COG8: variants seen among roughly 807,000 people sequenced by gnomAD.
The protein encoded by COG8 is conserved oligomeric Golgi complex subunit 8.
In COG8, 45 loss-of-function variants were observed where a neutral mutation model predicts 46.5. The observed-to-expected ratio is 0.97, with a 90% confidence interval of 0.76 to 1.24. The LOEUF (loss-of-function observed/expected upper bound fraction) is 1.24, where lower values mean the gene tolerates loss of function less well. Among genes scored for constraint, COG8 ranks in the 50% most tolerant of loss-of-function variants. The probability of loss-of-function intolerance (pLI) is 0.00; values close to 1 mark genes in which losing one functional copy is unlikely to be tolerated. For synonymous variants in COG8, 407 were observed against 347.8 expected (o/e 1.17, Z -1.90); for missense variants, 793 against 820.8 (o/e 0.97, Z 0.41).
intron 5 of COG8, chr16:69,330,592 C>T (rs1016189204): frequency 3.0e-5 from 42 of 1,421,080 alleles, no homozygotes; most frequent in Non-Finnish European, 3.7e-5. Flanking sequence ...TAACAGTGAC[C>T]CGGCCCGCCC....
chr16:69,338,569 T>C (rs1169201527), intron 1 of COG8: 1 of 153,076 alleles, frequency 6.5e-6, no homozygotes, highest in African/African-American at 2.4e-5. Flanking sequence ...TGAATCCTTT[T>C]TCTTTGTGCC....
chr16:69,339,373 C>T lies in COG8; in HGVS notation c.180G>A (p.Arg60=). The change falls in exon 1 of 6, where the codon CGG becomes CGA. Residue 60 remains arginine (R), a synonymous_variant. Coordinates refer to ENST00000306875, the MANE Select transcript of COG8 (RefSeq NM_032382.5). ...CCAGGCGCTCGGGCTCGCGCCGCAG[C>T]CGCTCCAGCCCCGAGCCGCTCAACT... ...LRELSGSGLE[R]LRREPERLAE... is the part of the protein sequence containing the mutation. 1 of 1,581,938 alleles carries T rather than the reference C, an allele frequency of 6.3e-7. No homozygotes were observed. Among genetic ancestry groups the T allele is most frequent in the Non-Finnish European group, 8.6e-7 (1 of 1,168,824 alleles).
At chr16:69,331,244 G>A (rs2011810115) in intron 4 of COG8, 149 bp from the exon 5 acceptor site, 1 of 801,786 alleles carries the variant, frequency 1.2e-6, no homozygotes, top group Non-Finnish European at 2.1e-6. Context: ...CCTGAGGTCA[G>A]GAATTCGAGA....
intron 3 of COG8, among the ~76,000 whole-genome samples, chr16:69,333,226 C>T (rs1005628495): frequency 5.4e-5 from 8 of 147,050 alleles, no homozygotes; most frequent in Non-Finnish European, 8.9e-5. Flanking sequence ...TGGAGTGTAG[C>T]GGCACAATCA....
Position 69,335,081 on chromosome 16 carries a change from T to C in COG8, c.853A>G (p.Ile285Val). 1 of 1,614,134 alleles carries C rather than the reference T, an allele frequency of 6.2e-7. No individual in the cohort carries two copies. Among genetic ancestry groups the C allele is most frequent in the Non-Finnish European group, 8.5e-7 (1 of 1,180,014 alleles). ...IEASRVHLFD[I>V]ITQYRAIFSD... ...AAGATGGCACGGTACTGGGTGATGA[T>C]ATCAAAGAGATGGACACGGGAGGCC... Residue 285 changes from isoleucine (I) to valine (V), a missense_variant, in exon 3 of 6, where the codon ATC (isoleucine) becomes GTC (valine). By Grantham distance (29) the Ile-to-Val change is conservative. Transcript: ENST00000306875.
rs1965665421 is a variant in COG8 at position 69,328,293 on chromosome 16, T to C, written c.*913A>G. 1 of 152,228 alleles carries C rather than the reference T, an allele frequency of 6.6e-6. No individual in the cohort carries two copies. 9.4% of individuals were successfully genotyped at this position (152,228 alleles called of 1,614,324 possible). The stretch of plus-strand genomic sequence containing the variant: ...GTTGCTGTGATATTAATTCTATTTT[T>C]ACAAAATAAGTGTATAACCAGGAAG... On this transcript the variant is annotated 3_prime_UTR_variant, in exon 6 of 6. Coordinates refer to ENST00000306875, the MANE Select transcript of COG8 (RefSeq NM_032382.5).
chr16:69,332,774 G>A lies in COG8; in HGVS notation c.1522C>T (p.Pro508Ser). 1 of 1,614,186 alleles carries A rather than the reference G, an allele frequency of 6.2e-7. No homozygotes were observed. Among genetic ancestry groups the A allele is most frequent in the Non-Finnish European group, 8.5e-7 (1 of 1,180,018 alleles). The change falls in exon 4 of 6, where the codon CCG becomes TCG. Residue 508 changes from proline (P) to serine (S), a missense_variant. By Grantham distance (74) the Pro-to-Ser change is moderately conservative. Transcript: ENST00000306875. ...ACTTGGAGACAGCGATTTAAATACGGAACAAGGTCTTCCAGGAAGACAGTG... is the reference window on the plus strand; with the variant it reads ...ACTTGGAGACAGCGATTTAAATACGAAACAAGGTCTTCCAGGAAGACAGTG... ...FCTVFLEDLVPYLNRCLQVLF... is the reference protein window; with the variant it reads ...FCTVFLEDLVSYLNRCLQVLF...
intron 2 of COG8, among the ~76,000 whole-genome samples, chr16:69,336,073 T>G (rs866807361): frequency 6.6e-6 from 1 of 152,160 alleles, no homozygotes; most frequent in Non-Finnish European, 1.5e-5. Flanking sequence ...TCTCCCCAGA[T>G]CTTTGTGGGC....
chr16:69,326,510 C>G lies in COG8; in HGVS notation c.*2696G>C, dbSNP rs2143281710. On this transcript the variant is annotated 3_prime_UTR_variant, in exon 6 of 6. Transcript: ENST00000306875. Reference sequence around the variant, plus strand: ...TGTTTCCTCATTCCTACTGCTTAAACACCTTGACAAGTCCTAGGGGTTAAC... The same window carrying G: ...TGTTTCCTCATTCCTACTGCTTAAAGACCTTGACAAGTCCTAGGGGTTAAC... 6.6e-6 allele frequency: 1 copy of G among 152,346 alleles called. No individual in the cohort carries two copies. Among genetic ancestry groups the G allele is most frequent in the Non-Finnish European group, 1.5e-5 (1 of 68,038 alleles). 9.4% of individuals were successfully genotyped at this position (152,346 alleles called of 1,614,324 possible). A position where few individuals can be genotyped will look rare whatever the true frequency, so the allele number is the denominator to read the frequency against.
At position 69,334,816 on chromosome 16, in the gene COG8, C is replaced by T. The variant is rs375743845; in HGVS notation, c.1118G>A (p.Arg373Gln). 6.8e-6 allele frequency: 11 copies of T among 1,614,072 alleles called. No individual in the cohort carries two copies. Among genetic ancestry groups the T allele is most frequent in the African/African-American group, 5.3e-5 (4 of 74,934 alleles). Reference protein sequence around the residue: ...FRGQLAPVFQRVAISTFQKAI... With the variant: ...FRGQLAPVFQQVAISTFQKAI... ...TTTCTGGAAAGTGCTGATGGCCACCCGCTGGAAAACAGGAGCCAACTGACC... is the reference window on the plus strand; with the variant it reads ...TTTCTGGAAAGTGCTGATGGCCACCTGCTGGAAAACAGGAGCCAACTGACC... Residue 373 changes from arginine to glutamine, a missense_variant, in exon 3 of 6, where the codon CGG becomes CAG. Coordinates refer to ENST00000306875, the MANE Select transcript of COG8 (RefSeq NM_032382.5).
At chr16:69,330,094 T>G (rs770017991) in intron 5 of COG8, 62 of 1,579,328 alleles carry the variant, frequency 3.9e-5, no homozygotes, top group Non-Finnish European at 2.1e-5. Context: ...TGTCAAGCAC[T>G]CGCAGGCTGG....
chr16:69,331,176 G>C, intron 4 of COG8, 81 bp from the exon 5 acceptor site: 1 of 1,498,588 alleles, frequency 6.7e-7, no homozygotes, highest in South Asian at 1.2e-5. Context: ...GGCCGGGCGC[G>C]GTGGCTCACG....
intron 4 of COG8, among the ~76,000 whole-genome samples, chr16:69,331,626 C>T (rs1170567587): frequency 6.6e-6 from 1 of 151,580 alleles, no homozygotes; most frequent in South Asian, 2.1e-4. Flanking sequence ...CCTCAGCCTC[C>T]GTGGTAGCTG....
intron 2 of COG8, 133 bp from the exon 3 acceptor site, chr16:69,335,481 G>A: frequency 1.3e-6 from 1 of 795,296 alleles, no homozygotes; most frequent in East Asian, 2.7e-5. Flanking sequence ...TAAAGCTGAT[G>A]CCTGTAGGTT....
chr16:69,336,689 T>C lies in COG8; in HGVS notation c.401A>G (p.Glu134Gly). ...SCRNFVKEAE[E>G]ISSNRRMNSL... ...ATTCATCCGGCGGTTGGAGCTGATC[T>C]CCTCGGCTTCCTTCACAAAGTTCCT... The change falls in exon 2 of 6, where the codon GAG becomes GGG. Residue 134 changes from glutamate to glycine, a missense_variant. Coordinates refer to ENST00000306875, the MANE Select transcript of COG8 (RefSeq NM_032382.5). 1 of 1,614,080 alleles carries C rather than the reference T, an allele frequency of 6.2e-7. No homozygotes were observed. Among genetic ancestry groups the C allele is most frequent in the Non-Finnish European group, 8.5e-7 (1 of 1,180,030 alleles).
chr16:69,338,868 T>C (rs2012360302), intron 1 of COG8, among the ~76,000 whole-genome samples: 1 of 152,112 alleles, frequency 6.6e-6, no homozygotes, highest in Non-Finnish European at 1.5e-5. Context: ...CGCGCGCCTA[T>C]GGTCCCTGCT....
At chr16:69,336,363 G>T in intron 2 of COG8, 142 bp downstream of exon 2, 2 of 703,396 alleles carry the variant, frequency 2.8e-6, no homozygotes, top group Non-Finnish European at 2.4e-6. Flanking sequence ...TTGAATAAAT[G>T]AATGTTTTCT....
At chr16:69,336,111 G>C (rs1250110704) in intron 2 of COG8, among the ~76,000 whole-genome samples, 1 of 152,124 alleles carries the variant, frequency 6.6e-6, no homozygotes, top group East Asian at 1.9e-4. Flanking sequence ...TTAGGTCTCA[G>C]CTTAAATGTT....
At chr16:69,331,453 CAAA>C (rs1185929938) in intron 4 of COG8, among the ~76,000 whole-genome samples, 10 of 61,238 alleles carry the variant, frequency 1.6e-4, no homozygotes, top group African/African-American at 6.1e-4. Flanking sequence ...AACTCCGTCT[CAAA>C]AAAAAAAAAA....
Sources: gnomAD v4.1 joint callset for allele counts (sites outside exome capture counted in the v4.1 genomes callset) on GRCh38, gnomAD v4.1.1 for gene constraint, MANE v1.5 for transcripts, NCBI Gene and HGNC (gene_info 2026-07-23, HGNC 2026-07-21) for gene names.